Variants in TDRD3 observed in about 807,000 individuals in gnomAD.
The protein encoded by TDRD3 is tudor domain containing 3, also known as tudor domain-containing protein 3.
TDRD3 carries 45 observed loss-of-function variants against 86.7 expected under a neutral mutation model. That is an observed-to-expected ratio of 0.52 (90% CI 0.41 to 0.67). The LOEUF is 0.67. TDRD3 is among the 30% of genes least tolerant of loss of function. TDRD3 has a pLI of 0.00. For synonymous variants in TDRD3, 298 were observed against 301.7 expected (o/e 0.99, Z 0.13); for missense variants, 814 against 889.0 (o/e 0.92, Z 1.07).
intron 8 of TDRD3, 102 bp downstream of exon 8, chr13:60,494,677 A>G (rs1036095779): frequency 9.7e-7 from 1 of 1,028,890 alleles, no homozygotes; most frequent in Non-Finnish European, 1.4e-6. Flanking sequence ...TGTATTATGG[A>G]TAGATGTTAT....
chr13:60,535,198 C>G lies in TDRD3; in HGVS notation c.2083C>G (p.Leu695Val). 6.2e-7 allele frequency: 1 copy of G among 1,613,870 alleles called. No individual in the cohort carries two copies. Among genetic ancestry groups the G allele is most frequent in the Non-Finnish European group, 8.5e-7 (1 of 1,179,854 alleles). ...CTACGGAAACTATGAAGAGGTGCTA[C>G]TGAGCAATATCAAGCCCATTCAAAC... ...IDYGNYEEVL[L>V]SNIKPIQTEA... is the part of the protein sequence containing the mutation. The change falls in exon 12 of 14, where the codon CTG (leucine) becomes GTG (valine). Residue 695 changes from leucine to valine, a missense_variant. Transcript: ENST00000377881.
At chr13:60,432,526 A>G (rs12584836) in intron 1 of TDRD3, among the ~76,000 whole-genome samples, 20,885 of 152,168 alleles carry the variant, frequency 0.14, 1,512 homozygotes, top group East Asian at 0.2. Context: ...GGTATAGTAT[A>G]GTAAGAGTCT....
intron 12 of TDRD3, among the ~76,000 whole-genome samples, chr13:60,540,358 T>C (rs187499837): frequency 1.3e-5 from 2 of 152,214 alleles, no homozygotes; most frequent in African/African-American, 4.8e-5. Flanking sequence ...TAGTAAAGTT[T>C]GGTTGTGTTA....
intron 1 of TDRD3, among the ~76,000 whole-genome samples, chr13:60,422,956 G>A (rs1371976490): frequency 2.0e-5 from 3 of 152,106 alleles, no homozygotes; most frequent in African/African-American, 7.2e-5. Context: ...AGTATGTCAA[G>A]TGCAATGAAA....
intron 13 of TDRD3, among the ~76,000 whole-genome samples, chr13:60,571,712 G>A (rs1958589467): frequency 6.6e-6 from 1 of 151,334 alleles, no homozygotes; most frequent in Admixed American, 6.6e-5. Context: ...TTTTTTCAAG[G>A]CCCCCACAGA....
chr13:60,412,295 G>A (rs748259217), intron 1 of TDRD3, among the ~76,000 whole-genome samples: 7 of 152,166 alleles, frequency 4.6e-5, no homozygotes, highest in Admixed American at 1.3e-4. Flanking sequence ...GTAAATTTGA[G>A]TGAATTGGTG....
intron 3 of TDRD3, among the ~76,000 whole-genome samples, chr13:60,452,093 C>T (rs1232013769): frequency 6.6e-6 from 1 of 152,140 alleles, no homozygotes. Flanking sequence ...TATAAAATCA[C>T]TGAACCGGGA....
intron 12 of TDRD3, among the ~76,000 whole-genome samples, chr13:60,558,369 G>C (rs990422414): frequency 1.3e-5 from 2 of 152,280 alleles, no homozygotes; most frequent in Middle Eastern, 3.4e-3. Context: ...CTTGTGATTA[G>C]TGCTCATATG....
chr13:60,398,107 T>C (rs1011449255), intron 1 of TDRD3, among the ~76,000 whole-genome samples: 1 of 152,182 alleles, frequency 6.6e-6, no homozygotes, highest in African/African-American at 2.4e-5. Context: ...TTGAAAACAA[T>C]ACAAAATTAT....
intron 12 of TDRD3, chr13:60,535,726 C>T (rs1306150584): frequency 6.6e-6 from 1 of 152,118 alleles, no homozygotes; most frequent in African/African-American, 2.4e-5. Context: ...TACAGATTAA[C>T]TATAAATTAT....
chr13:60,502,351 A>C (rs1956852507), intron 8 of TDRD3, among the ~76,000 whole-genome samples: 2 of 152,122 alleles, frequency 1.3e-5, no homozygotes, highest in Non-Finnish European at 2.9e-5. Flanking sequence ...AAAAACAATT[A>C]ATGAGACTGG....
At chr13:60,565,655 C>A (rs1958442891) in intron 12 of TDRD3, among the ~76,000 whole-genome samples, 1 of 152,086 alleles carries the variant, frequency 6.6e-6, no homozygotes, top group Non-Finnish European at 1.5e-5. Context: ...AATTCTGCAG[C>A]CAAATATGGA....
chr13:60,416,853 C>T (rs76389854), intron 1 of TDRD3, among the ~76,000 whole-genome samples: 1 of 152,102 alleles, frequency 6.6e-6, no homozygotes, highest in East Asian at 1.9e-4. Context: ...TTCTCCTCAT[C>T]TTGTTCTTGT....
At chr13:60,424,314 C>T (rs933976928) in intron 1 of TDRD3, among the ~76,000 whole-genome samples, 2 of 146,572 alleles carry the variant, frequency 1.4e-5, no homozygotes, top group Non-Finnish European at 3.0e-5. Flanking sequence ...AGCCACCGCC[C>T]CCAGACAGTG....
At chr13:60,396,420 G>A (rs2137769674), upstream of TDRD3, 1 of 152,376 alleles carries the variant, frequency 6.6e-6, no homozygotes, top group South Asian at 2.1e-4. Context: ...CGTCCGCCGT[G>A]CCGCTGGGCG....
chr13:60,524,915 C>A (rs1319174831), intron 10 of TDRD3, among the ~76,000 whole-genome samples: 2 of 151,150 alleles, frequency 1.3e-5, no homozygotes, highest in Non-Finnish European at 3.0e-5. Flanking sequence ...TGGCCAACCC[C>A]GTCTCTACTA....
chr13:60,427,253 T>G (rs778292729), intron 1 of TDRD3, among the ~76,000 whole-genome samples: 8 of 152,218 alleles, frequency 5.3e-5, no homozygotes, highest in Non-Finnish European at 1.2e-4. Context: ...TGATTGATTT[T>G]GTTTTTTCTT....
intron 1 of TDRD3, among the ~76,000 whole-genome samples, chr13:60,413,835 T>C (rs1321114989): frequency 6.6e-6 from 1 of 152,106 alleles, no homozygotes; most frequent in Admixed American, 6.6e-5. Flanking sequence ...ACCATTAGCA[T>C]TTTATAATCT....
chr13:60,485,310 C>T (rs1956407544), intron 6 of TDRD3, among the ~76,000 whole-genome samples: 1 of 151,708 alleles, frequency 6.6e-6, no homozygotes. Flanking sequence ...ACTTTGAAGC[C>T]TGATACGGGG....
Sources: allele counts gnomAD v4.1 joint callset (sites outside exome capture counted in the v4.1 genomes callset), GRCh38; gene constraint gnomAD v4.1.1; transcripts MANE v1.5; gene names NCBI Gene and HGNC (gene_info 2026-07-23, HGNC 2026-07-21).